SAMD12: variants seen among roughly 807,000 people sequenced by gnomAD.
The protein encoded by SAMD12 is sterile alpha motif domain containing 12.
In SAMD12, 9 loss-of-function variants were observed where a neutral mutation model predicts 15.0. The ratio of observed to expected loss-of-function variants is 0.60; its 90% confidence interval spans 0.36 to 1.05. SAMD12 has a LOEUF of 1.05. Among genes scored for constraint, SAMD12 ranks in the 50% least tolerant of loss-of-function variants. The pLI, the probability that SAMD12 is intolerant of heterozygous loss-of-function variation, is 0.01. For missense variants in SAMD12, 230 were observed against 234.2 expected (o/e 0.98, Z 0.12); for synonymous variants, 86 against 90.1 (o/e 0.96, Z 0.25).
intron 3 of SAMD12, among the ~76,000 whole-genome samples, chr8:118,415,812 T>C (rs929604157): frequency 3.3e-5 from 5 of 152,154 alleles, no homozygotes; most frequent in Non-Finnish European, 7.4e-5. Context: ...CCGGGGCACA[T>C]TCCACACGCA....
In SAMD12 at chr8:118,314,931, A is replaced by G. The variant is rs559377508; in HGVS notation, c.433+64629T>C. Among the ~76,000 whole-genome samples the G allele has an allele frequency of 9.3e-4, 142 of 152,378 alleles. 1 individual carries two copies. Among genetic ancestry groups the G allele is most frequent in the African/African-American group, 3.1e-3 (131 of 41,596 alleles). ...TTTATTTTTTCTGGGACAAATGTCC[A>G]ACAGCGTTCTTTTTAAAGAAAAGAA... On this transcript the variant is annotated intron_variant, in intron 4 of 4. Transcript: ENST00000409003.
intron 4 of SAMD12, among the ~76,000 whole-genome samples, chr8:118,351,007 G>T (rs550598778): frequency 6.6e-6 from 1 of 152,148 alleles, no homozygotes; most frequent in African/African-American, 2.4e-5. Context: ...ATATCTCTAT[G>T]ACAATTTCTT....
At chr8:118,602,690 T>C (rs1827889809) in intron 1 of SAMD12, among the ~76,000 whole-genome samples, 2 of 152,194 alleles carry the variant, frequency 1.3e-5, no homozygotes, top group African/African-American at 4.8e-5. Context: ...GAAAACCCTC[T>C]CTCTGCCCCT....
the SAMD12 span, among the ~76,000 whole-genome samples, chr8:118,148,417 T>A: frequency 3.9e-5 from 6 of 152,182 alleles, no homozygotes; most frequent in African/African-American, 1.2e-4. Context: ...TAGAAAAAAA[T>A]GTTTTCAAGT....
At chr8:118,604,499 A>G (rs1827939638) in intron 1 of SAMD12, among the ~76,000 whole-genome samples, 1 of 152,180 alleles carries the variant, frequency 6.6e-6, no homozygotes, top group African/African-American at 2.4e-5. Flanking sequence ...CAGCCTCCAC[A>G]GTACACCCAG....
chr8:118,417,403 AG>A (rs1821754607), intron 3 of SAMD12, among the ~76,000 whole-genome samples: 1 of 152,168 alleles, frequency 6.6e-6, no homozygotes, highest in Admixed American at 6.5e-5. Context: ...TTTTGAAAGA[AG>A]GAGCCCAAAT....
chr8:118,447,850 C>G (rs149780536), intron 2 of SAMD12, among the ~76,000 whole-genome samples: 1 of 151,670 alleles, frequency 6.6e-6, no homozygotes, highest in African/African-American at 2.4e-5. Context: ...CTAAGCCTCC[C>G]GAGTAGCTGG....
intron 2 of SAMD12, among the ~76,000 whole-genome samples, chr8:118,442,564 G>A (rs891742264): frequency 1.3e-5 from 2 of 152,166 alleles, no homozygotes; most frequent in Admixed American, 1.3e-4. Flanking sequence ...TGATGTTTAG[G>A]TTTCTTTTTC....
At chr8:118,463,907 T>C (rs1350877706) in intron 2 of SAMD12, among the ~76,000 whole-genome samples, 4 of 152,130 alleles carry the variant, frequency 2.6e-5, no homozygotes, top group Non-Finnish European at 1.5e-5. Context: ...GCTGGAATTA[T>C]AGGGCCTTAA....
the SAMD12 span, among the ~76,000 whole-genome samples, chr8:118,179,839 A>C: frequency 1.3e-5 from 2 of 152,200 alleles, no homozygotes; most frequent in African/African-American, 2.4e-5. Context: ...ATTAATCTGG[A>C]TTACCCTTCA....
intron 2 of SAMD12, among the ~76,000 whole-genome samples, chr8:118,449,872 A>G (rs1461852433): frequency 1.3e-5 from 2 of 152,060 alleles, no homozygotes; most frequent in African/African-American, 4.8e-5. Context: ...GAAAAAATAA[A>G]AATACCAAAT....
At chr8:118,159,960 T>A in the SAMD12 span, among the ~76,000 whole-genome samples, 1 of 152,156 alleles carries the variant, frequency 6.6e-6, no homozygotes, top group Admixed American at 6.5e-5. Flanking sequence ...CTTCAGGTGA[T>A]CTGCCCGCCT....
chr8:118,282,565 C>G (rs1486967368), intron 4 of SAMD12, among the ~76,000 whole-genome samples: 1 of 152,104 alleles, frequency 6.6e-6, no homozygotes, highest in Admixed American at 6.6e-5. Context: ...GCAGTGAGTG[C>G]TGTAACTATA....
At chr8:118,332,246 A>C (rs973783121) in intron 4 of SAMD12, among the ~76,000 whole-genome samples, 2 of 152,366 alleles carry the variant, frequency 1.3e-5, no homozygotes, top group East Asian at 1.9e-4. Flanking sequence ...GAGTAACCTT[A>C]GGTTTTTTAT....
intron 2 of SAMD12, among the ~76,000 whole-genome samples, chr8:118,512,496 G>C (rs555764690): frequency 2.6e-5 from 4 of 152,164 alleles, no homozygotes; most frequent in African/African-American, 9.6e-5. Flanking sequence ...ATTAAAATAA[G>C]GTCATGCCAG....
chr8:118,415,792 A>C (rs1821658156), intron 3 of SAMD12, among the ~76,000 whole-genome samples: 1 of 152,174 alleles, frequency 6.6e-6, no homozygotes, highest in African/African-American at 2.4e-5. Context: ...TAAGTCAAAT[A>C]AGCAAACCTC....
intron 1 of SAMD12, among the ~76,000 whole-genome samples, chr8:118,587,344 A>C (rs1355119237): frequency 6.6e-6 from 1 of 152,234 alleles, no homozygotes; most frequent in Non-Finnish European, 1.5e-5. Flanking sequence ...AATTCAGCAG[A>C]GACTACCCTC....
At chr8:118,198,337 G>T (rs1294892794) in intron 4 of SAMD12, among the ~76,000 whole-genome samples, 4 of 152,162 alleles carry the variant, frequency 2.6e-5, no homozygotes, top group Non-Finnish European at 4.4e-5. Flanking sequence ...GGGCTTGGGA[G>T]TGCTAGTATA....
rs543417150 is a variant in SAMD12, at chr8:118,248,732, C to A, written c.434-51000G>T. The stretch of plus-strand genomic sequence containing the variant: ...GATCAGCACTAACTGACAAAAAGCC[C>A]CAGAAAGCATTCTTATAAAAGCACT... On this transcript the variant is annotated intron_variant, in intron 4 of 4. Coordinates refer to the SAMD12 transcript ENST00000409003. Among the ~76,000 whole-genome samples, 53 of 152,124 alleles carry A rather than the reference C, an allele frequency of 3.5e-4. 1 individual carries two copies. Among genetic ancestry groups the A allele is most frequent in the African/African-American group, 1.2e-3 (49 of 41,508 alleles).
Sources: allele counts gnomAD v4.1 joint callset (sites outside exome capture counted in the v4.1 genomes callset), GRCh38; gene constraint gnomAD v4.1.1; transcripts MANE v1.5; gene names NCBI Gene and HGNC (gene_info 2026-07-23, HGNC 2026-07-21).